The following EDNRA variants were observed in gnomAD, a reference collection of about 807,000 sequenced individuals.
EDNRA encodes endothelin receptor type A.
Under a neutral mutation model 41.4 loss-of-function variants are expected in EDNRA, and 11 were observed. The ratio of observed to expected loss-of-function variants is 0.27; its 90% confidence interval spans 0.17 to 0.44. EDNRA has a LOEUF of 0.44. Ranked by LOEUF, EDNRA falls within the 20% of genes least tolerant of loss-of-function variation. The pLI is 1.00. For missense variants in EDNRA, 294 were observed against 531.0 expected (o/e 0.55, Z 4.39); for synonymous variants, 172 against 183.0 (o/e 0.94, Z 0.49).
At chr4:147,485,150 T>G (rs1477941665) in intron 1 of EDNRA, among the ~76,000 whole-genome samples, 1 of 140,278 alleles carries the variant, frequency 7.1e-6, no homozygotes, top group Non-Finnish European at 1.6e-5. Context: ...CAGGTTCTTA[T>G]CAGCCTGAAT....
intron 4 of EDNRA, among the ~76,000 whole-genome samples, chr4:147,533,109 T>C (rs1730808303): frequency 6.6e-6 from 1 of 152,238 alleles, no homozygotes; most frequent in Non-Finnish European, 1.5e-5. Context: ...TGCTGATGTT[T>C]ATCTTATGTC....
intron 2 of EDNRA, among the ~76,000 whole-genome samples, chr4:147,504,065 T>A (rs762706498): frequency 6.6e-6 from 1 of 152,318 alleles, no homozygotes; most frequent in East Asian, 1.9e-4. Context: ...AAAACTCATA[T>A]CAGCTTCTGC....
At position 147,513,829 on chromosome 4, in the gene EDNRA, G is replaced by A. The variant is rs557600039; in HGVS notation, c.421-6022G>A. ...ATGAAGGAGAGGAGAAGAACCCTTC[G>A]GCCTCACAGGATGGGGTGAGAGGAA... On this transcript the variant is annotated intron_variant, in intron 2 of 7. Transcript: ENST00000651419. Among the ~76,000 whole-genome samples the A allele has an allele frequency of 2.6e-5, 4 of 152,234 alleles. No individual in the cohort carries two copies. In the South Asian group the frequency reaches 6.2e-4, roughly 24 times the overall value.
intron 2 of EDNRA, among the ~76,000 whole-genome samples, chr4:147,498,312 A>T (rs1046703368): frequency 5.3e-5 from 8 of 152,148 alleles, no homozygotes; most frequent in Non-Finnish European, 1.0e-4. Flanking sequence ...AATTGTATGG[A>T]GTGACTTCAG....
chr4:147,483,969 C>G (rs1006927752), intron 1 of EDNRA, among the ~76,000 whole-genome samples: 1 of 152,112 alleles, frequency 6.6e-6, no homozygotes, highest in African/African-American at 2.4e-5. Context: ...GATCCTCCTG[C>G]TTTGGCCTCC....
At chr4:147,513,542 G>T (rs1409381420) in intron 2 of EDNRA, among the ~76,000 whole-genome samples, 1 of 152,272 alleles carries the variant, frequency 6.6e-6, no homozygotes, top group East Asian at 1.9e-4. Context: ...AATCATCTCA[G>T]TCTGTGCTGT....
intron 3 of EDNRA, among the ~76,000 whole-genome samples, chr4:147,530,960 T>A (rs976114093): frequency 6.6e-6 from 1 of 152,096 alleles, no homozygotes; most frequent in African/African-American, 2.4e-5. Context: ...GCAACAAAAA[T>A]TTCAGGAATG....
chr4:147,485,944 G>C lies in EDNRA; in HGVS notation c.263G>C (p.Cys88Ser). The part of the protein sequence containing the change: ...AFKYINTVIS[C>S]TIFIVGMVGN... Reference sequence around the variant, plus strand: ...AAATACATTAACACTGTGATATCTTGTACTATTTTCATCGTGGGAATGGTG... The same window carrying C: ...AAATACATTAACACTGTGATATCTTCTACTATTTTCATCGTGGGAATGGTG... Residue 88 changes from cysteine (C) to serine (S), a missense_variant, in exon 2 of 8, where the codon TGT (cysteine) becomes TCT (serine). Transcript: ENST00000651419. 3 of 1,614,228 alleles carry C rather than the reference G, an allele frequency of 1.9e-6. No individual in the cohort carries two copies. Among genetic ancestry groups the C allele is most frequent in the Non-Finnish European group, 2.5e-6 (3 of 1,180,048 alleles).
intron 2 of EDNRA, among the ~76,000 whole-genome samples, chr4:147,516,814 C>A (rs1730131283): frequency 6.6e-6 from 1 of 152,006 alleles, no homozygotes; most frequent in Non-Finnish European, 1.5e-5. Context: ...AGGATGTATT[C>A]TCTTAAACAG....
At chr4:147,495,567 G>A (rs1243067903) in intron 2 of EDNRA, 1 of 152,194 alleles carries the variant, frequency 6.6e-6, no homozygotes, top group Non-Finnish European at 1.5e-5. Context: ...GACAGAAGGA[G>A]AGCCAGAAAA....
At chr4:147,517,774 T>C (rs1730166273) in intron 2 of EDNRA, among the ~76,000 whole-genome samples, 1 of 152,208 alleles carries the variant, frequency 6.6e-6, no homozygotes, top group South Asian at 2.1e-4. Context: ...CTCTCTGTCC[T>C]TCTTTATGCC....
At chr4:147,502,349 T>C (rs1220031747) in intron 2 of EDNRA, among the ~76,000 whole-genome samples, 2 of 152,150 alleles carry the variant, frequency 1.3e-5, no homozygotes, top group Non-Finnish European at 2.9e-5. Flanking sequence ...CACCTGAAAA[T>C]TGTCAAATAT....
At chr4:147,531,167 C>T (rs938459707) in intron 3 of EDNRA, among the ~76,000 whole-genome samples, 3 of 152,180 alleles carry the variant, frequency 2.0e-5, no homozygotes, top group African/African-American at 7.2e-5. Flanking sequence ...TTCTTATTAT[C>T]AGACAGTTTT....
chr4:147,486,125 T>C lies in EDNRA; in HGVS notation c.420+24T>C, dbSNP rs200368153. The C allele has an allele frequency of 4.4e-6, 7 of 1,581,996 alleles. No homozygotes were observed. Among genetic ancestry groups the C allele is most frequent in the Non-Finnish European group, 6.0e-6 (7 of 1,161,996 alleles). ...AGGTAGGAAGTAACCACAAATGTAT[T>C]TGCAAATTTAAACCCATGCTCTGAT... On this transcript the variant is annotated intron_variant, in intron 2 of 7. Transcript: ENST00000651419. This position sits in a 1 kb window ranked among gnomAD's most constrained non-coding sequence, Gnocchi z 4.3.
At chr4:147,521,777 T>C (rs1730328455) in intron 3 of EDNRA, among the ~76,000 whole-genome samples, 1 of 152,220 alleles carries the variant, frequency 6.6e-6, no homozygotes, top group South Asian at 2.1e-4. Context: ...TTTTTAGTTA[T>C]AACTCTAAAA....
chr4:147,539,973 G>C (rs200717820), intron 6 of EDNRA, 23 bp downstream of exon 6: 1 of 1,557,968 alleles, frequency 6.4e-7, no homozygotes, highest in East Asian at 2.3e-5. Flanking sequence ...GTACTCGCTA[G>C]AAAATTGGAG....
At chr4:147,540,601 C>A in intron 7 of EDNRA, 116 bp downstream of exon 7, 1 of 670,324 alleles carries the variant, frequency 1.5e-6, no homozygotes, top group Non-Finnish European at 2.4e-6. Context: ...TACTTTTTAG[C>A]AGTGAAGTGA....
intron 3 of EDNRA, among the ~76,000 whole-genome samples, chr4:147,523,451 T>C (rs914842892): frequency 5.3e-5 from 8 of 151,630 alleles, no homozygotes; most frequent in Middle Eastern, 3.2e-3. Flanking sequence ...GTCTGTTTTG[T>C]TGGGTGTTTG....
At chr4:147,505,027 A>AC (rs1729643236) in intron 2 of EDNRA, among the ~76,000 whole-genome samples, 1 of 151,090 alleles carries the variant, frequency 6.6e-6, no homozygotes, top group South Asian at 2.1e-4. Context: ...AATGGTAAAA[A>AC]AAATGAATAA....
Sources: allele counts gnomAD v4.1 joint callset (sites outside exome capture counted in the v4.1 genomes callset), GRCh38; gene constraint gnomAD v4.1.1; non-coding constraint Gnocchi (gnomAD v3.1); transcripts MANE v1.5; gene names NCBI Gene and HGNC (gene_info 2026-07-23, HGNC 2026-07-21).